USP34: variants seen among roughly 807,000 people sequenced by gnomAD.
USP34 encodes ubiquitin carboxyl-terminal hydrolase 34.
USP34 carries 70 observed loss-of-function variants against 460.3 expected under a neutral mutation model. The observed-to-expected ratio is 0.15, with a 90% CI of 0.13 to 0.19. The LOEUF (loss-of-function observed/expected upper bound fraction) is 0.19, where lower values mean the gene tolerates loss of function less well. Among genes scored for constraint, USP34 ranks in the 10% least tolerant of loss-of-function variants. The pLI is 1.00. For missense variants in USP34, 3,985 were observed against 4,236.2 expected, an observed-to-expected ratio of 0.94 and a Z score of 1.65; for synonymous variants, 1,647 against 1,405.3, an observed-to-expected ratio of 1.17 and a Z score of -3.85.
At chr2:61,275,270 C>A (rs550931946) in intron 41 of USP34, among the ~76,000 whole-genome samples, 2 of 151,988 alleles carry the variant, frequency 1.3e-5, no homozygotes, top group East Asian at 3.9e-4. Flanking sequence ...CAGAGCCAGA[C>A]CCCGTCTCAA....
intron 50 of USP34, 26 bp from the exon 51 acceptor site, chr2:61,245,314 C>G (rs1439144348): frequency 2.1e-6 from 3 of 1,410,818 alleles, no homozygotes; most frequent in Non-Finnish European, 3.0e-6. Flanking sequence ...TAGTATTAAT[C>G]TAGTATGCAT....
chr2:61,305,916 G>C (rs1376256925), intron 27 of USP34, among the ~76,000 whole-genome samples: 2 of 152,100 alleles, frequency 1.3e-5, no homozygotes, highest in African/African-American at 4.8e-5. Context: ...CATATCCTTT[G>C]CCCACTTTTT....
At chr2:61,405,062 C>T (rs1221718261) in intron 3 of USP34, among the ~76,000 whole-genome samples, 1 of 151,714 alleles carries the variant, frequency 6.6e-6, no homozygotes, top group Non-Finnish European at 1.5e-5. Context: ...CCCGTCTCTA[C>T]TAAAGAAAAT....
intron 27 of USP34, among the ~76,000 whole-genome samples, 199 bp downstream of exon 27, chr2:61,311,341 A>G (rs1690585263): frequency 6.6e-6 from 1 of 152,166 alleles, no homozygotes; most frequent in South Asian, 2.1e-4. Flanking sequence ...CTGATCTTGG[A>G]CTTCCCAAAT....
At position 61,302,890 on chromosome 2, in the gene USP34, T is replaced by C. The variant is rs75186773; in HGVS notation, c.3818-1436A>G. Among the ~76,000 whole-genome samples the C allele has an allele frequency of 0.017, 2,574 of 152,304 alleles. 169 individuals are homozygous for C. In the East Asian group the frequency reaches 0.2, roughly 12 times the overall value. On this transcript the variant is annotated intron_variant, in intron 27 of 79. Transcript: ENST00000398571. ...TTTATTCATACAGATAACTTCACAG[T>C]AATTTCATCAAATTTTAAACAAAAA... is the stretch of plus-strand genomic sequence containing the variant.
intron 10 of USP34, among the ~76,000 whole-genome samples, chr2:61,358,870 G>A (rs1410109523): frequency 6.6e-6 from 1 of 152,108 alleles, no homozygotes; most frequent in East Asian, 1.9e-4. Context: ...ATTTTCAAAA[G>A]CATGTAAAAG....
At chr2:61,318,127 A>T (rs1690806146) in intron 22 of USP34, among the ~76,000 whole-genome samples, 1 of 149,406 alleles carries the variant, frequency 6.7e-6, no homozygotes, top group Non-Finnish European at 1.5e-5. Context: ...TGGGAGGTCA[A>T]GGCTACAGTG....
intron 48 of USP34, among the ~76,000 whole-genome samples, chr2:61,248,943 G>A (rs1437586793): frequency 1.3e-5 from 2 of 152,144 alleles, no homozygotes; most frequent in African/African-American, 4.8e-5. Context: ...GGCACAGCAA[G>A]AGATTAACAA....
At chr2:61,349,664 C>T (rs1691885320) in intron 12 of USP34, among the ~76,000 whole-genome samples, 1 of 152,066 alleles carries the variant, frequency 6.6e-6, no homozygotes, top group Non-Finnish European at 1.5e-5. Flanking sequence ...CACGGTGAAA[C>T]CCCGTCTCTA....
rs1695948937 is a variant in USP34, at chr2:61,471,073, G to A, written c.-381C>T. 9.4e-6 allele frequency: 2 copies of A among 211,736 alleles called. No homozygotes were observed. 13.1% of individuals were successfully genotyped at this position (211,736 alleles called of 1,614,324 possible). A position where few individuals can be genotyped will look rare whatever the true frequency, so the allele number is the denominator to read the frequency against. ...CGCCGACGCCGCCGCCATTTTAACA[G>A]AGCGCTCGGGCTGCGCTCGGCTCTT... On this transcript the variant is annotated 5_prime_UTR_variant, in exon 1 of 80. Transcript: ENST00000398571.
At chr2:61,334,775 C>T (rs1464809352) in intron 18 of USP34, among the ~76,000 whole-genome samples, 1 of 152,132 alleles carries the variant, frequency 6.6e-6, no homozygotes, top group Non-Finnish European at 1.5e-5. Context: ...TCATGAAAGA[C>T]ACAAACCAAA....
intron 2 of USP34, among the ~76,000 whole-genome samples, chr2:61,419,503 G>A (rs950095497): frequency 6.6e-6 from 1 of 151,966 alleles, no homozygotes; most frequent in African/African-American, 2.4e-5. Flanking sequence ...TCTTAATACA[G>A]GGATTAAAAA....
intron 29 of USP34, among the ~76,000 whole-genome samples, chr2:61,300,623 C>G (rs1158579185): frequency 6.6e-6 from 1 of 151,158 alleles, no homozygotes; most frequent in African/African-American, 2.4e-5. Flanking sequence ...CAGTGAAACC[C>G]CATCTCTACT....
intron 1 of USP34, among the ~76,000 whole-genome samples, chr2:61,464,831 G>A (rs531086201): frequency 3.9e-4 from 59 of 151,942 alleles, no homozygotes; most frequent in African/African-American, 1.4e-3. Context: ...CTATGGTGAT[G>A]GCCTAAAGCA....
chr2:61,333,480 C>A lies in USP34; in HGVS notation c.2834+402G>T, dbSNP rs375496362. On this transcript the variant is annotated intron_variant, in intron 19 of 79. Transcript: ENST00000398571. The stretch of plus-strand genomic sequence containing the variant: ...ATTTTTCAGATTAGGCATACTCAAC[C>A]TGTAATAAGGTAGTGTCAAGATTAC... Among the ~76,000 whole-genome samples the A allele has an allele frequency of 4.5e-4, 69 of 152,070 alleles. No individual in the cohort carries two copies. The East Asian group carries it at 0.013, about 28-fold the overall frequency.
At chr2:61,422,283 A>G (rs115894669) in intron 1 of USP34, among the ~76,000 whole-genome samples, 2,909 of 152,298 alleles carry the variant, frequency 0.019, 110 homozygotes, top group African/African-American at 0.066. Flanking sequence ...CAGTGCCTAA[A>G]AACAGAGGGA....
In USP34 at chr2:61,331,279, G is replaced by A. The variant is rs1385763441; in HGVS notation, c.2927C>T (p.Ala976Val). Residue 976 changes from alanine (A) to valine (V), a missense_variant, in exon 20 of 80, where the codon GCA becomes GTA. Around this residue, in one of 14 missense-constraint regions of USP34, gnomAD observed 1,114 missense variants for 1,122.5 expected, o/e 0.99. Coordinates refer to ENST00000398571, the MANE Select transcript of USP34 (RefSeq NM_014709.4). ...AACCCAGTTGAGAGGTACTTACAGT[G>A]CATGTTTTTGTCTTCCTTCTCTCAC... ...QTVREGRQKH[A>V]LYSHSAEVQV... The A allele has an allele frequency of 1.2e-6, 2 of 1,610,254 alleles. No individual in the cohort carries two copies. The highest frequency in any genetic ancestry group is 1.7e-5 in the Admixed American group (1 of 59,822).
At chr2:61,426,809 G>A (rs1694525290) in intron 1 of USP34, among the ~76,000 whole-genome samples, 1 of 152,204 alleles carries the variant, frequency 6.6e-6, no homozygotes, top group African/African-American at 2.4e-5. Context: ...GGTGGCCACA[G>A]GGGTGCTTGT....
chr2:61,199,507 C>G (rs911584373), intron 75 of USP34, among the ~76,000 whole-genome samples: 1 of 152,198 alleles, frequency 6.6e-6, no homozygotes, highest in Non-Finnish European at 1.5e-5. Flanking sequence ...CCACCCACCT[C>G]GGCCTCCCAA....
Sources: allele counts gnomAD v4.1 joint callset (sites outside exome capture counted in the v4.1 genomes callset), GRCh38; gene constraint gnomAD v4.1.1; regional missense constraint gnomAD v4.1.1; transcripts MANE v1.5; gene names NCBI Gene and HGNC (gene_info 2026-07-23, HGNC 2026-07-21).